GPC5: variants seen among roughly 807,000 people sequenced by gnomAD.
The protein encoded by GPC5 is glypican-5.
Under a neutral mutation model 53.9 loss-of-function variants are expected in GPC5, and 47 were observed. The observed-to-expected ratio is 0.87, with a 90% CI of 0.69 to 1.11. GPC5 has a LOEUF of 1.11. GPC5 is among the 50% of genes most tolerant of loss of function. The pLI, the probability that GPC5 is intolerant of heterozygous loss-of-function variation, is 0.00. For missense variants in GPC5, 748 were observed against 713.1 expected, an observed-to-expected ratio of 1.05 and a Z score of -0.56; for synonymous variants, 286 against 263.3, an observed-to-expected ratio of 1.09 and a Z score of -0.84.
At chr13:92,770,774 G>A (rs1424838143) in intron 7 of GPC5, among the ~76,000 whole-genome samples, 1 of 152,070 alleles carries the variant, frequency 6.6e-6, no homozygotes, top group Admixed American at 6.6e-5. Flanking sequence ...TTATGTGTAA[G>A]GGACTCCAGA....
intron 7 of GPC5, among the ~76,000 whole-genome samples, chr13:92,798,453 A>G (rs1453820634): frequency 1.3e-5 from 2 of 151,898 alleles, no homozygotes; most frequent in African/African-American, 4.8e-5. Flanking sequence ...CTGGAAAATT[A>G]GATATTCTTC....
At chr13:92,748,461 A>G (rs1028901901) in intron 7 of GPC5, among the ~76,000 whole-genome samples, 1 of 151,632 alleles carries the variant, frequency 6.6e-6, no homozygotes, top group Non-Finnish European at 1.5e-5. Flanking sequence ...CCTCCTGAGT[A>G]GCTGGTATTA....
intron 2 of GPC5, among the ~76,000 whole-genome samples, chr13:91,654,372 C>T (rs2034796010): frequency 6.6e-6 from 1 of 152,144 alleles, no homozygotes; most frequent in Non-Finnish European, 1.5e-5. Context: ...CACAAATATG[C>T]TTAAATAATG....
At chr13:91,656,661 T>A (rs2034852702) in intron 2 of GPC5, among the ~76,000 whole-genome samples, 1 of 152,164 alleles carries the variant, frequency 6.6e-6, no homozygotes, top group African/African-American at 2.4e-5. Context: ...ATCTCAAAAC[T>A]TCTGTTAAGG....
At chr13:92,816,086 T>C (rs754684313) in intron 7 of GPC5, among the ~76,000 whole-genome samples, 6 of 151,928 alleles carry the variant, frequency 3.9e-5, no homozygotes, top group Non-Finnish European at 7.4e-5. Flanking sequence ...TGAGTTCAAG[T>C]CATTAATGAA....
At chr13:91,925,361 C>G (rs2039757073) in intron 6 of GPC5, among the ~76,000 whole-genome samples, 1 of 152,102 alleles carries the variant, frequency 6.6e-6, no homozygotes, top group Non-Finnish European at 1.5e-5. Context: ...TTTAAAATCA[C>G]TCTAATGACA....
chr13:92,276,173 A>G (rs142421156), intron 7 of GPC5, among the ~76,000 whole-genome samples: 1 of 152,246 alleles, frequency 6.6e-6, no homozygotes, highest in East Asian at 1.9e-4. Context: ...GATACAACAT[A>G]AAGCTGGAAT....
At chr13:91,842,473 C>T (rs2038798330) in intron 5 of GPC5, among the ~76,000 whole-genome samples, 1 of 149,240 alleles carries the variant, frequency 6.7e-6, no homozygotes, top group Non-Finnish European at 1.5e-5. Context: ...GAGGCCGAGA[C>T]GGGCGGATCA....
intron 6 of GPC5, among the ~76,000 whole-genome samples, chr13:91,931,008 G>T (rs1272045867): frequency 1.3e-5 from 2 of 151,914 alleles, no homozygotes; most frequent in Non-Finnish European, 2.9e-5. Context: ...GCATAAAATG[G>T]TGCAATTTCT....
intron 5 of GPC5, among the ~76,000 whole-genome samples, chr13:91,779,508 A>G (rs1594555810): frequency 1.3e-5 from 2 of 152,018 alleles, no homozygotes; most frequent in Admixed American, 1.3e-4. Context: ...TAATAGGCAC[A>G]TACCACCACA....
At chr13:92,752,642 C>T (rs577669489) in intron 7 of GPC5, among the ~76,000 whole-genome samples, 82 of 152,160 alleles carry the variant, frequency 5.4e-4, no homozygotes, top group African/African-American at 1.5e-3. Flanking sequence ...GCACCGTGCG[C>T]GAGCTGAAGC....
intron 7 of GPC5, among the ~76,000 whole-genome samples, chr13:92,833,204 G>T (rs1035515355): frequency 1.3e-5 from 2 of 152,184 alleles, no homozygotes; most frequent in Admixed American, 1.3e-4. Flanking sequence ...CCAACAGAAA[G>T]AGGGAGGCTA....
chr13:91,526,564 T>G (rs1886095117), intron 2 of GPC5, among the ~76,000 whole-genome samples: 2 of 152,164 alleles, frequency 1.3e-5, no homozygotes, highest in South Asian at 4.1e-4. Flanking sequence ...TATCTTAGCT[T>G]TATGTGATTG....
At chr13:92,846,988 C>G (rs949221973) in intron 7 of GPC5, among the ~76,000 whole-genome samples, 2 of 152,268 alleles carry the variant, frequency 1.3e-5, no homozygotes, top group South Asian at 4.1e-4. Flanking sequence ...TATTCTAAGA[C>G]TACATGGAGA....
intron 6 of GPC5, among the ~76,000 whole-genome samples, chr13:92,139,579 A>G (rs1056605959): frequency 6.8e-6 from 1 of 147,498 alleles, no homozygotes; most frequent in Non-Finnish European, 1.5e-5. Context: ...AGGCAGGACA[A>G]TTGCTTGAAC....
At chr13:91,511,744 C>T (rs979154835) in intron 2 of GPC5, among the ~76,000 whole-genome samples, 1 of 151,726 alleles carries the variant, frequency 6.6e-6, no homozygotes, top group Non-Finnish European at 1.5e-5. Context: ...TTTCCCATCT[C>T]TTCATGCATG....
At chr13:92,108,451 C>A (rs2041527336) in intron 6 of GPC5, among the ~76,000 whole-genome samples, 2 of 152,128 alleles carry the variant, frequency 1.3e-5, no homozygotes, top group Admixed American at 6.6e-5. Flanking sequence ...TAGAAAGGAG[C>A]CTGCAGGGCT....
intron 7 of GPC5, among the ~76,000 whole-genome samples, chr13:92,693,230 AG>A (rs1887464800): frequency 1.3e-5 from 2 of 152,290 alleles, no homozygotes; most frequent in South Asian, 4.1e-4. Flanking sequence ...GGACTAATAT[AG>A]GAAATGGGTA....
chr13:91,756,925 A>G (rs1364773170), intron 5 of GPC5, among the ~76,000 whole-genome samples: 2 of 152,088 alleles, frequency 1.3e-5, no homozygotes, highest in African/African-American at 4.8e-5. Flanking sequence ...AGAGAGAGAG[A>G]GACTATGTAA....
Sources: gnomAD v4.1 joint callset for allele counts (sites outside exome capture counted in the v4.1 genomes callset) on GRCh38, gnomAD v4.1.1 for gene constraint, MANE v1.5 for transcripts, NCBI Gene and HGNC (gene_info 2026-07-23, HGNC 2026-07-21) for gene names.